TRAK1: variants seen among roughly 807,000 people sequenced by gnomAD.
The protein encoded by TRAK1 is trafficking kinesin protein 1.
Under a neutral mutation model 92.1 loss-of-function variants are expected in TRAK1, and 33 were observed. That is an observed-to-expected ratio of 0.36 (90% CI 0.27 to 0.48). The LOEUF is 0.48. Among genes scored for constraint, TRAK1 ranks in the 20% least tolerant of loss-of-function variants. The pLI is 0.99. For synonymous variants in TRAK1, 521 were observed against 517.3 expected (o/e 1.01, Z -0.10); for missense variants, 1,123 against 1,257.9 (o/e 0.89, Z 1.62).
At chr3:42,017,421 C>G (rs1701568695) in intron 1 of TRAK1, among the ~76,000 whole-genome samples, 1 of 152,082 alleles carries the variant, frequency 6.6e-6, no homozygotes, top group Non-Finnish European at 1.5e-5. Context: ...TTATTTTATT[C>G]TTGGACAGAG....
intron 1 of TRAK1, among the ~76,000 whole-genome samples, chr3:42,074,691 T>C (rs1444777120): frequency 1.3e-5 from 2 of 151,928 alleles, no homozygotes; most frequent in Non-Finnish European, 2.9e-5. Context: ...TTTTTTTTTT[T>C]TCCCAACTTT....
chr3:42,061,612 T>C (rs1225053923), intron 1 of TRAK1, among the ~76,000 whole-genome samples: 1 of 152,120 alleles, frequency 6.6e-6, no homozygotes, highest in Non-Finnish European at 1.5e-5. Context: ...ACACTTAATA[T>C]AGAAATCCCA....
chr3:42,220,445 G>A (rs1003823184), intron 15 of TRAK1: 2 of 980,218 alleles, frequency 2.0e-6, no homozygotes, highest in East Asian at 1.1e-4. Context: ...TAAAGCAGAA[G>A]GGGTGGGAAC....
intron 1 of TRAK1, among the ~76,000 whole-genome samples, chr3:42,066,426 GGAGA>G (rs138060933): frequency 2.0e-5 from 3 of 149,676 alleles, no homozygotes; most frequent in South Asian, 2.1e-4. Flanking sequence ...GGATGGTCAT[GGAGA>G]GAGAGAGAGA....
chr3:42,156,097 CCTCCAG>C (rs1250423332), intron 2 of TRAK1, among the ~76,000 whole-genome samples: 4 of 152,220 alleles, frequency 2.6e-5, no homozygotes, highest in African/African-American at 9.6e-5. Context: ...GCCTTTCACA[CCTCCAG>C]CTCCAGGCTC....
chr3:42,219,342 A>G (rs1216237549), intron 14 of TRAK1, 152 bp from the exon 15 acceptor site: 3 of 1,530,242 alleles, frequency 2.0e-6, no homozygotes, highest in Non-Finnish European at 2.6e-6. Context: ...CTCGCCTTCA[A>G]TCCAGAACAT....
intron 2 of TRAK1, among the ~76,000 whole-genome samples, chr3:42,162,676 G>A (rs1250949959): frequency 6.6e-6 from 1 of 152,206 alleles, no homozygotes; most frequent in East Asian, 1.9e-4. Flanking sequence ...GGGTCTGGTG[G>A]AGGGTGACTG....
rs140826907 is a variant in TRAK1 at position 42,123,350 on chromosome 3, G to A, written c.92-2070G>A. 1.1e-4 allele frequency among the ~76,000 whole-genome samples: 17 copies of A among 152,322 alleles called. No homozygotes were observed. The East Asian group carries it at 3.3e-3, about 29-fold the overall frequency. On this transcript the variant is annotated intron_variant, in intron 1 of 15. Transcript: ENST00000327628. ...CTGCCTTCCTGCCTTCCTGGCCTTGGCTCAAGCAGGGGGAACAGGGAAGGG... is the reference window on the plus strand; with the variant it reads ...CTGCCTTCCTGCCTTCCTGGCCTTGACTCAAGCAGGGGGAACAGGGAAGGG...
Position 42,202,596 on chromosome 3 carries a change from A to G in TRAK1, c.1588A>G (p.Lys530Glu). Reference sequence around the variant, plus strand: ...GAGGAAGCTCCAGGAGCTGGCGGAGAAGGGCGAGCTGCGCAGCGGCTCCCT... The same window carrying G: ...GAGGAAGCTCCAGGAGCTGGCGGAGGAGGGCGAGCTGCGCAGCGGCTCCCT... The part of the protein sequence containing the change: ...QERKLQELAE[K>E]GELRSGSLTP... The change falls in exon 13 of 16, where the codon AAG (lysine) becomes GAG (glutamate). Residue 530 changes from lysine to glutamate, a missense_variant. Lys to Glu is a moderately conservative substitution (Grantham distance 56). Around this residue, in one of 3 missense-constraint regions of TRAK1, gnomAD observed 686 missense variants for 747.6 expected, o/e 0.92. Transcript: ENST00000327628. This position sits in a 1 kb window ranked among gnomAD's most constrained non-coding sequence, Gnocchi z 6.1. 6.3e-7 allele frequency: 1 copy of G among 1,590,174 alleles called. No homozygotes were observed. The highest frequency in any genetic ancestry group is 8.6e-7 in the Non-Finnish European group (1 of 1,162,148).
chr3:42,213,087 C>G (rs1163994123), intron 14 of TRAK1, among the ~76,000 whole-genome samples: 1 of 119,054 alleles, frequency 8.4e-6, no homozygotes, highest in East Asian at 2.6e-4. Flanking sequence ...GAGACGGAGT[C>G]TTGCTCTGTT....
At position 42,151,776 on chromosome 3, in the gene TRAK1, A is replaced by G. The variant is rs551217587; in HGVS notation, c.287-25038A>G. Among the ~76,000 whole-genome samples the G allele has an allele frequency of 5.3e-5, 8 of 152,286 alleles. No individual in the cohort carries two copies. In the South Asian group the frequency reaches 1.0e-3, roughly 20 times the overall value. On this transcript the variant is annotated intron_variant, in intron 2 of 15. Transcript: ENST00000327628. ...CTGGAAATGAAATTTGCCCCTGTTT[A>G]TATGTACCTGTCTTTTATTTGCCTC... is the stretch of plus-strand genomic sequence containing the variant.
intron 14 of TRAK1, chr3:42,217,400 C>T: frequency 1.0e-6 from 1 of 985,376 alleles, no homozygotes; most frequent in Non-Finnish European, 1.2e-6. Context: ...TTCATTGCTT[C>T]TGGGGAATGG....
chr3:42,060,511 G>A (rs890719287), intron 1 of TRAK1, among the ~76,000 whole-genome samples: 2 of 152,036 alleles, frequency 1.3e-5, no homozygotes, highest in African/African-American at 4.8e-5. Context: ...TTTTCCAGGC[G>A]TGGTCCCTTA....
At chr3:42,199,833 G>A (rs1707270646) in intron 11 of TRAK1, among the ~76,000 whole-genome samples, 1 of 152,240 alleles carries the variant, frequency 6.6e-6, no homozygotes, top group Non-Finnish European at 1.5e-5. Context: ...GAAAAGGAGA[G>A]ATGTCTTTCC....
intron 1 of TRAK1, among the ~76,000 whole-genome samples, chr3:42,113,603 C>T (rs907946606): frequency 3.3e-5 from 5 of 152,004 alleles, no homozygotes; most frequent in East Asian, 3.9e-4. Context: ...TTAGTAGAGA[C>T]GGGGTTTCAC....
At chr3:42,198,966 A>G (rs530959636) in intron 10 of TRAK1, among the ~76,000 whole-genome samples, 2 of 152,302 alleles carry the variant, frequency 1.3e-5, no homozygotes, top group East Asian at 3.9e-4. Flanking sequence ...CTCAGTGCCC[A>G]GTGGCACTGC....
At chr3:42,200,392 A>C (rs1201336483) in intron 11 of TRAK1, among the ~76,000 whole-genome samples, 1 of 152,252 alleles carries the variant, frequency 6.6e-6, no homozygotes, top group Non-Finnish European at 1.5e-5. Context: ...TTCAACAAAT[A>C]TCCATTCTAC....
intron 1 of TRAK1, among the ~76,000 whole-genome samples, chr3:42,123,637 C>A (rs1303761458): frequency 1.3e-5 from 2 of 152,198 alleles, no homozygotes; most frequent in Non-Finnish European, 2.9e-5. Flanking sequence ...ATACCTCATA[C>A]TTTTGGTTCG....
At chr3:42,078,549 C>G (rs187456257) in intron 1 of TRAK1, among the ~76,000 whole-genome samples, 1 of 151,706 alleles carries the variant, frequency 6.6e-6, no homozygotes, top group African/African-American at 2.4e-5. Context: ...GTCAGGAGAT[C>G]GAGACCATCC....
Sources: allele counts gnomAD v4.1 joint callset (sites outside exome capture counted in the v4.1 genomes callset), GRCh38; gene constraint gnomAD v4.1.1; regional missense constraint gnomAD v4.1.1; non-coding constraint Gnocchi (gnomAD v3.1); transcripts MANE v1.5; gene names NCBI Gene and HGNC (gene_info 2026-07-23, HGNC 2026-07-21).